SHPRH: variants seen among roughly 807,000 people sequenced by gnomAD.
The protein encoded by SHPRH is E3 ubiquitin-protein ligase SHPRH.
Under a neutral mutation model 202.5 loss-of-function variants are expected in SHPRH, and 106 were observed. The observed-to-expected ratio is 0.52, with a 90% CI of 0.45 to 0.62. The LOEUF is 0.62. Among genes scored for constraint, SHPRH ranks in the 20% least tolerant of loss-of-function variants. The pLI is 0.00. For synonymous variants in SHPRH, 729 were observed against 686.0 expected (o/e 1.06, Z -0.98); for missense variants, 1,710 against 2,020.0 (o/e 0.85, Z 2.94).
chr6:145,903,315 TTTAAA>T (rs1782664458), intron 25 of SHPRH: 1 of 151,654 alleles, frequency 6.6e-6, no homozygotes, highest in African/African-American at 2.4e-5. Context: ...ACAAATGATC[TTTAAA>T]TTAAATGAAC....
At chr6:145,943,919 T>A in intron 8 of SHPRH, 117 bp from the exon 9 acceptor site, 2 of 978,630 alleles carry the variant, frequency 2.0e-6, no homozygotes, top group South Asian at 3.5e-5. Flanking sequence ...GCTACCCTTT[T>A]CCCTGAGGAG....
At chr6:145,908,372 T>A (rs1050253247) in intron 25 of SHPRH, 3 of 152,134 alleles carry the variant, frequency 2.0e-5, no homozygotes, top group Non-Finnish European at 2.9e-5. Context: ...CTAATTTATA[T>A]TCCTACCAAC....
Position 145,952,183 on chromosome 6 carries a change from A to G in SHPRH, c.763+166T>C, listed in dbSNP as rs6912338. Among the ~76,000 whole-genome samples, 739 of 152,208 alleles carry G rather than the reference A, an allele frequency of 4.9e-3. 7 individuals carry two copies. The highest frequency in any genetic ancestry group is 0.017 in the African/African-American group (689 of 41,554). On this transcript the variant is annotated intron_variant, in intron 3 of 29. Coordinates refer to ENST00000275233, the MANE Select transcript of SHPRH (RefSeq NM_001042683.3). ...AAGCACAGAGTTAACCAAAGAAACA[A>G]ATTATATTAGTGGGTGCATTTCAAA...
chr6:145,945,814 GAAAC>G (rs1787312620), intron 7 of SHPRH, among the ~76,000 whole-genome samples, 177 bp from the exon 8 acceptor site: 1 of 152,028 alleles, frequency 6.6e-6, no homozygotes, highest in East Asian at 1.9e-4. Flanking sequence ...AGCATATTAA[GAAAC>G]AAATTACTGT....
intron 1 of SHPRH, among the ~76,000 whole-genome samples, chr6:145,959,542 A>G (rs757992186): frequency 7.9e-5 from 12 of 152,178 alleles, no homozygotes; most frequent in Non-Finnish European, 1.6e-4. Flanking sequence ...AAACTTGCCT[A>G]TGATGCATTC....
At chr6:145,868,220 C>G (rs1779891357) in intron 2 of SHPRH, among the ~76,000 whole-genome samples, 2 of 152,148 alleles carry the variant, frequency 1.3e-5, no homozygotes, top group South Asian at 4.1e-4. Flanking sequence ...TTAGGGTCCA[C>G]CAATATGACC....
intron 23 of SHPRH, among the ~76,000 whole-genome samples, chr6:145,914,974 T>C (rs1475769293): frequency 2.0e-5 from 3 of 151,848 alleles, no homozygotes; most frequent in African/African-American, 7.2e-5. Context: ...ATTTGTTCAT[T>C]AGTGTTCAAA....
downstream of SHPRH, among the ~76,000 whole-genome samples, chr6:145,860,018 C>T (rs1280521951): frequency 6.6e-6 from 1 of 151,990 alleles, no homozygotes; most frequent in Non-Finnish European, 1.5e-5. Context: ...CTGCTAACAT[C>T]ATTTTGAAAC....
Position 145,894,420 on chromosome 6 carries a change from GT to G in SHPRH, c.4609-185del, listed in dbSNP as rs55829530. On this transcript the variant is annotated intron_variant, in intron 26 of 29. Coordinates refer to ENST00000275233, the MANE Select transcript of SHPRH (RefSeq NM_001042683.3). ...TCTATCTGAAATAGTAATTTTGTTT[GT>G]TTTTTTTTTTTTGCATCAAATGCTG... Among the ~76,000 whole-genome samples, 92 of 140,278 alleles carry G rather than the reference GT, an allele frequency of 6.6e-4. 1 individual carries two copies. The highest frequency in any genetic ancestry group is 2.4e-3 in the Admixed American group (33 of 13,904). 92.0% of individuals were successfully genotyped at this position (140,278 alleles called of 152,430 possible).
At chr6:145,887,538 T>G (rs1047847164) in intron 29 of SHPRH, among the ~76,000 whole-genome samples, 3 of 148,354 alleles carry the variant, frequency 2.0e-5, no homozygotes, top group African/African-American at 4.9e-5. Flanking sequence ...AGTTTGTTTT[T>G]TTTTTTTTTT....
intron 28 of SHPRH, among the ~76,000 whole-genome samples, chr6:145,888,591 G>A (rs1397737058): frequency 6.6e-6 from 1 of 152,134 alleles, no homozygotes; most frequent in Non-Finnish European, 1.5e-5. Context: ...GTCACACAGG[G>A]CCTTCCAGGA....
intron 10 of SHPRH, 151 bp downstream of exon 10, chr6:145,941,472 G>A (rs1005950288): frequency 8.4e-7 from 1 of 1,194,906 alleles, no homozygotes; most frequent in African/African-American, 1.5e-5. Context: ...CAAAGCACAA[G>A]AGAAAAGCAC....
At chr6:145,934,776 C>G (rs1276951733) in intron 13 of SHPRH, 131 bp downstream of exon 13, 2 of 811,226 alleles carry the variant, frequency 2.5e-6, no homozygotes, top group Non-Finnish European at 3.7e-6. Context: ...AGCTTCCATA[C>G]CAAAGAAAAC....
At chr6:145,862,441 A>AAC (rs752566010), downstream of SHPRH, among the ~76,000 whole-genome samples, 6,696 of 130,026 alleles carry the variant, frequency 0.051, 211 homozygotes, top group African/African-American at 0.11. Context: ...AACAAAACAA[A>AAC]AAAACAAAAA....
rs747487347 is a variant in SHPRH at position 145,943,702 on chromosome 6, T to G, written c.1679A>C (p.Asp560Ala). ...CTTATAATAATAATAGTAAGGATCA[T>G]CATCATCATCAGAGGTGTCTGATGG... ...YLPSDTSDDD[D>A]DPYYYYYKSR... is the part of the protein sequence containing the mutation. The change falls in exon 9 of 30, where the codon GAT (aspartate) becomes GCT (alanine). Residue 560 changes from aspartate (D) to alanine (A), a missense_variant. Asp to Ala is a moderately radical substitution (Grantham distance 126, BLOSUM62 -2). Coordinates refer to ENST00000275233, the MANE Select transcript of SHPRH (RefSeq NM_001042683.3). 1 of 1,613,806 alleles carries G rather than the reference T, an allele frequency of 6.2e-7. No homozygotes were observed. The highest frequency in any genetic ancestry group is 1.1e-5 in the South Asian group (1 of 91,062).
In SHPRH at chr6:145,955,180, T is replaced by A. The variant is rs1363491906; in HGVS notation, c.143A>T (p.Asp48Val). Residue 48 changes from aspartate (D) to valine (V), a missense_variant, in exon 2 of 30, where the codon GAT (aspartate) becomes GTT (valine). Asp to Val is a radical substitution (Grantham distance 152). Around this residue, in one of 8 missense-constraint regions of SHPRH, gnomAD observed 459 missense variants for 426.5 expected, o/e 1.08. Coordinates refer to ENST00000275233, the MANE Select transcript of SHPRH (RefSeq NM_001042683.3). ...AATGATATAATGAGCAGAAGAGGTA[T>A]CTGAACCTGGGCAGGGCTGCTCGTC... ...DDDEQPCPGSDTSSAHYIILS... is the reference protein window; with the variant it reads ...DDDEQPCPGSVTSSAHYIILS... 9 of 1,613,868 alleles carry A rather than the reference T, an allele frequency of 5.6e-6. No homozygotes were observed. The highest frequency in any genetic ancestry group is 7.6e-6 in the Non-Finnish European group (9 of 1,179,950).
intron 2 of SHPRH, among the ~76,000 whole-genome samples, chr6:145,870,420 C>A (rs1283836834): frequency 2.0e-5 from 3 of 151,936 alleles, no homozygotes; most frequent in Non-Finnish European, 4.4e-5. Context: ...CACCACCACA[C>A]CCAGCTAATT....
chr6:145,939,127 A>T (rs1366294242), intron 11 of SHPRH, among the ~76,000 whole-genome samples: 1 of 152,208 alleles, frequency 6.6e-6, no homozygotes, highest in Non-Finnish European at 1.5e-5. Context: ...ACAACAGAGT[A>T]AGTCATGAGC....
In SHPRH at chr6:145,867,631, T is replaced by TATAGAGAGAG. The variant is rs1554220329; in HGVS notation, c.222-3141_222-3140insCTCTCTCTAT. On this transcript the variant is annotated intron_variant, in intron 2 of 2. Transcript: ENST00000417762. Reference sequence around the variant, plus strand: ...ATATATATATATATATATATATATATAGAGAGAGAGAGAGAGAGAGAGAGA... The same window carrying TATAGAGAGAG: ...ATATATATATATATATATATATATATATAGAGAGAGAGAGAGAGAGAGAGAGAGAGAGAGA... Among the ~76,000 whole-genome samples, 25 of 22,320 alleles carry TATAGAGAGAG rather than the reference T, an allele frequency of 1.1e-3. 1 individual carries two copies. Among genetic ancestry groups the TATAGAGAGAG allele is most frequent in the East Asian group, 3.6e-3 (2 of 556 alleles). 14.6% of individuals were successfully genotyped at this position (22,320 alleles called of 152,430 possible). A position where few individuals can be genotyped will look rare whatever the true frequency, so the allele number is the denominator to read the frequency against.
Sources: gnomAD v4.1 joint callset for allele counts (sites outside exome capture counted in the v4.1 genomes callset) on GRCh38, gnomAD v4.1.1 for gene constraint, gnomAD v4.1.1 regional missense constraint, MANE v1.5 for transcripts, NCBI Gene and HGNC (gene_info 2026-07-23, HGNC 2026-07-21) for gene names.